The following PLCE1 variants were observed in gnomAD, a reference collection of about 807,000 sequenced individuals.
The protein encoded by PLCE1 is 1-phosphatidylinositol 4,5-bisphosphate phosphodiesterase epsilon-1.
In PLCE1, 119 loss-of-function variants were observed where a neutral mutation model predicts 242.8. The observed-to-expected ratio is 0.49, with a 90% confidence interval of 0.42 to 0.57. PLCE1 has a LOEUF of 0.57. Ranked by LOEUF, PLCE1 falls within the 20% of genes least tolerant of loss-of-function variation. The pLI is 0.00. For missense variants in PLCE1, 2,441 were observed against 2,788.8 expected (o/e 0.88, Z 2.81); for synonymous variants, 945 against 1,017.4 (o/e 0.93, Z 1.35).
intron 1 of PLCE1, among the ~76,000 whole-genome samples, chr10:94,029,059 A>G (rs916328622): frequency 6.6e-6 from 1 of 152,094 alleles, no homozygotes; most frequent in Non-Finnish European, 1.5e-5. Flanking sequence ...GTGCCATTGC[A>G]CTTCAGCCTG....
At chr10:94,220,377 TA>T (rs1416358474) in intron 4 of PLCE1, among the ~76,000 whole-genome samples, 22 of 2,576 alleles carry the variant, frequency 8.5e-3, no homozygotes, top group Non-Finnish European at 0.011. Context: ...CTAAACATTT[TA>T]TATATATATA....
chr10:94,200,832 C>T (rs1020063571), intron 4 of PLCE1, among the ~76,000 whole-genome samples: 3 of 152,134 alleles, frequency 2.0e-5, no homozygotes, highest in African/African-American at 7.2e-5. Context: ...CGTGGTCTTC[C>T]TCCCACAAAA....
chr10:94,244,553 G>A (rs373654504), intron 7 of PLCE1, among the ~76,000 whole-genome samples: 63 of 152,236 alleles, frequency 4.1e-4, no homozygotes, highest in African/African-American at 1.2e-3. Context: ...CGGAGGGAAC[G>A]TGCTAAATTT....
At chr10:94,081,294 T>A (rs979362112) in intron 2 of PLCE1, among the ~76,000 whole-genome samples, 1 of 152,236 alleles carries the variant, frequency 6.6e-6, no homozygotes, top group Non-Finnish European at 1.5e-5. Context: ...AATCCATAAC[T>A]TTTCATTTAG....
intron 30 of PLCE1, 103 bp from the exon 31 acceptor site, chr10:94,324,246 T>A (rs2053928552): frequency 3.4e-6 from 3 of 885,450 alleles, no homozygotes; most frequent in Non-Finnish European, 5.8e-6. Context: ...ATCCCCTTCA[T>A]CTCTAGTCTG....
At chr10:94,200,242 A>G (rs1245112290) in intron 4 of PLCE1, among the ~76,000 whole-genome samples, 1 of 152,206 alleles carries the variant, frequency 6.6e-6, no homozygotes, top group East Asian at 1.9e-4. Flanking sequence ...CCATTCTCCA[A>G]TTAAAAGGAA....
At position 94,053,478 on chromosome 10, in the gene PLCE1, G is replaced by A. The variant is rs533906967; in HGVS notation, c.1206+21226G>A. On this transcript the variant is annotated intron_variant, in intron 2 of 32. Transcript: ENST00000371380. ...TTAGCACGCATGACATTTTTACTTT[G>A]CTATGTGGTCATTTATAGTCGGTTG... 2.0e-5 allele frequency among the ~76,000 whole-genome samples: 3 copies of A among 152,298 alleles called. No individual in the cohort carries two copies. The South Asian group carries it at 6.2e-4, about 32-fold the overall frequency.
At chr10:94,285,922 T>C (rs1026582655) in intron 22 of PLCE1, among the ~76,000 whole-genome samples, 1 of 152,180 alleles carries the variant, frequency 6.6e-6, no homozygotes. Flanking sequence ...GGTAGACCTA[T>C]GGCTCTGAAG....
intron 4 of PLCE1, among the ~76,000 whole-genome samples, chr10:94,201,683 G>T (rs1289624235): frequency 1.3e-5 from 2 of 152,128 alleles, no homozygotes; most frequent in Non-Finnish European, 2.9e-5. Context: ...GTTTCACTGT[G>T]TTAGCCAGGA....
intron 31 of PLCE1, 95 bp downstream of exon 31, chr10:94,324,662 A>C: frequency 8.9e-7 from 1 of 1,123,480 alleles, no homozygotes; most frequent in Non-Finnish European, 1.3e-6. Flanking sequence ...TTTAGGAGAA[A>C]GTTCCTGAGT....
At chr10:94,139,279 A>AT (rs1176823183) in intron 3 of PLCE1, 1 of 153,020 alleles carries the variant, frequency 6.5e-6, no homozygotes, top group African/African-American at 2.4e-5. Context: ...GCGAGACTCC[A>AT]TCTCAAAAAA....
intron 4 of PLCE1, among the ~76,000 whole-genome samples, chr10:94,175,505 T>C (rs1220289306): frequency 6.6e-6 from 1 of 152,210 alleles, no homozygotes; most frequent in Non-Finnish European, 1.5e-5. Context: ...ATACAATGTG[T>C]TATTACATCA....
chr10:93,999,180 A>G (rs2060885505), intron 1 of PLCE1, among the ~76,000 whole-genome samples: 1 of 152,242 alleles, frequency 6.6e-6, no homozygotes, highest in Non-Finnish European at 1.5e-5. Context: ...AAGCTATCAA[A>G]ATAAGAGAAT....
chr10:94,148,713 TGGAAGGAAAGGGAAAA>T (rs1472374300), intron 3 of PLCE1, among the ~76,000 whole-genome samples: 1 of 151,510 alleles, frequency 6.6e-6, no homozygotes, highest in Non-Finnish European at 1.5e-5. Context: ...CTATAGGAAG[TGGAAGGAAAGGGAAAA>T]GGAAGGAAAG....
intron 4 of PLCE1, among the ~76,000 whole-genome samples, chr10:94,216,044 A>G (rs2137006190): frequency 6.6e-6 from 1 of 152,334 alleles, no homozygotes; most frequent in East Asian, 1.9e-4. Flanking sequence ...TCCCACCTTC[A>G]CCACTTTAAT....
At chr10:94,324,233 A>G (rs1170732896) in intron 30 of PLCE1, 116 bp from the exon 31 acceptor site, 1 of 821,596 alleles carries the variant, frequency 1.2e-6, no homozygotes. Flanking sequence ...AATGATCTGG[A>G]AGATCCCCTT....
chr10:94,186,639 G>A (rs140801957), intron 4 of PLCE1, among the ~76,000 whole-genome samples: 4 of 152,230 alleles, frequency 2.6e-5, no homozygotes, highest in African/African-American at 7.2e-5. Context: ...ACTATTCATC[G>A]GGTTGGCCTA....
At chr10:94,251,224 C>A (rs7919320) in intron 8 of PLCE1, among the ~76,000 whole-genome samples, 41,673 of 152,046 alleles carry the variant, frequency 0.27, 5,766 homozygotes, top group Middle Eastern at 0.35. Flanking sequence ...AGAGGTCACC[C>A]AAAGGTTTCT....
chr10:94,126,813 A>G (rs970810626), intron 2 of PLCE1, among the ~76,000 whole-genome samples: 2 of 152,214 alleles, frequency 1.3e-5, no homozygotes, highest in Non-Finnish European at 2.9e-5. Context: ...GGAATTGAGA[A>G]TGGCCATGAA....
Sources: allele counts gnomAD v4.1 joint callset (sites outside exome capture counted in the v4.1 genomes callset), GRCh38; gene constraint gnomAD v4.1.1; transcripts MANE v1.5; gene names NCBI Gene and HGNC (gene_info 2026-07-23, HGNC 2026-07-21).